The following POGZ variants were observed in gnomAD, a reference collection of about 807,000 sequenced individuals.
POGZ encodes pogo transposable element with ZNF domain.
In POGZ, 17 loss-of-function variants were observed where a neutral mutation model predicts 134.6. The ratio of observed to expected loss-of-function variants is 0.13; its 90% CI spans 0.09 to 0.19. POGZ has a LOEUF of 0.19. Ranked by LOEUF, POGZ falls within the 10% of genes least tolerant of loss-of-function variation. POGZ has a pLI of 1.00. For missense variants in POGZ, 1,306 were observed against 1,769.7 expected, an observed-to-expected ratio of 0.74 and a Z score of 4.70; for synonymous variants, 693 against 657.1, an observed-to-expected ratio of 1.05 and a Z score of -0.84.
chr1:151,455,523 C>G (rs1662658814), intron 1 of POGZ, among the ~76,000 whole-genome samples: 1 of 152,158 alleles, frequency 6.6e-6, no homozygotes. Flanking sequence ...ATTGAAGACG[C>G]CAAAGATCTT....
chr1:151,458,746 C>T (rs185381131), intron 1 of POGZ, among the ~76,000 whole-genome samples: 7,200 of 145,782 alleles, frequency 0.049, 243 homozygotes, highest in Non-Finnish European at 0.078. Flanking sequence ...CCCACTCCTC[C>T]GAGACGCCTC....
intron 3 of POGZ, among the ~76,000 whole-genome samples, chr1:151,439,984 CTA>C (rs1660259406): frequency 6.6e-6 from 1 of 151,900 alleles, no homozygotes; most frequent in Non-Finnish European, 1.5e-5. Context: ...TTATAGATGA[CTA>C]TTAAAATAAG....
chr1:151,403,555 C>T lies in POGZ; in HGVS notation c.*1247G>A. On this transcript the variant is annotated 3_prime_UTR_variant, in exon 19 of 19. Coordinates refer to ENST00000271715, the MANE Select transcript of POGZ (RefSeq NM_015100.4). ...TTTGGTTTACAACCATGAGTACATA[C>T]AATTAAAAAAATCCCTCATGCAAAT... 1.0e-6 allele frequency: 1 copy of T among 985,474 alleles called. No individual in the cohort carries two copies. Among genetic ancestry groups the T allele is most frequent in the Non-Finnish European group, 1.2e-6 (1 of 829,672 alleles). 61.0% of individuals were successfully genotyped at this position (985,474 alleles called of 1,614,324 possible).
chr1:151,456,046 T>C (rs1557961078), intron 1 of POGZ, among the ~76,000 whole-genome samples: 2 of 152,038 alleles, frequency 1.3e-5, no homozygotes, highest in Non-Finnish European at 1.5e-5. Flanking sequence ...CTAGGCCAAA[T>C]AGTAGTTTCT....
chr1:151,409,018 T>TTA (rs1329739692), intron 12 of POGZ, among the ~76,000 whole-genome samples, 190 bp from the exon 13 acceptor site: 1 of 152,160 alleles, frequency 6.6e-6, no homozygotes, highest in Non-Finnish European at 1.5e-5. Flanking sequence ...TCACCTCCCA[T>TTA]GATATCAAAG....
rs12759205 is a variant in POGZ, at chr1:151,433,567, C to T, written c.284-2726G>A. Among the ~76,000 whole-genome samples the T allele has an allele frequency of 5.2e-3, 745 of 143,414 alleles. 2 individuals carry two copies. The highest frequency in any genetic ancestry group is 8.4e-3 in the Non-Finnish European group (561 of 66,986). 94.1% of individuals were successfully genotyped at this position (143,414 alleles called of 152,430 possible). A position where few individuals can be genotyped will look rare whatever the true frequency, so the allele number is the denominator to read the frequency against. The stretch of plus-strand genomic sequence containing the variant: ...AGGTTGCATTGAGCCGAGATCGCGC[C>T]ACTGCACTCCAGTCTGAGCAATAAG... On this transcript the variant is annotated intron_variant, in intron 3 of 18. Coordinates refer to ENST00000271715, the MANE Select transcript of POGZ (RefSeq NM_015100.4).
At chr1:151,458,749 G>C (rs1243798761) in intron 1 of POGZ, among the ~76,000 whole-genome samples, 1 of 145,464 alleles carries the variant, frequency 6.9e-6, no homozygotes, top group Non-Finnish European at 1.5e-5. Context: ...ACTCCTCCGA[G>C]ACGCCTCGCG....
At position 151,442,106 on chromosome 1, in the gene POGZ, A is replaced by G. The variant is rs1256527004; in HGVS notation, c.99T>C (p.Tyr33=). Residue 33 remains tyrosine (Y), a synonymous_variant, in exon 2 of 19, where the codon TAT becomes TAC. Transcript: ENST00000271715. ...DVIEDSVVED[Y]NSVDKTTTVS... ...CTGTGGTAGTTTTATCCACTGAATT[A>G]TAATCTTCAACTACAGAGTCCTCAA... 6 of 1,605,548 alleles carry G rather than the reference A, an allele frequency of 3.7e-6. No individual in the cohort carries two copies.
chr1:151,423,314 A>C, intron 10 of POGZ, 83 bp downstream of exon 10: 1 of 1,175,210 alleles, frequency 8.5e-7, no homozygotes, highest in South Asian at 1.3e-5. Context: ...CATGTAAATA[A>C]ATATAATGGG....
At position 151,412,652 on chromosome 1, in the gene POGZ, C is replaced by T. The variant is rs141864329; in HGVS notation, c.1679-256G>A. 4.1e-4 allele frequency among the ~76,000 whole-genome samples: 63 copies of T among 152,208 alleles called. No individual in the cohort carries two copies. The East Asian group carries it at 8.9e-3, about 21-fold the overall frequency. ...AGACATTTTAAATTGGTTATTCTAT[C>T]GTCAACTCTAACCTAATTCAGCATC... On this transcript the variant is annotated intron_variant, in intron 10 of 18. Coordinates refer to ENST00000271715, the MANE Select transcript of POGZ (RefSeq NM_015100.4).
At chr1:151,435,135 G>A (rs1361750038) in intron 3 of POGZ, among the ~76,000 whole-genome samples, 1 of 152,094 alleles carries the variant, frequency 6.6e-6, no homozygotes, top group African/African-American at 2.4e-5. Flanking sequence ...TCTGACCTCA[G>A]GCGATCTGCC....
At chr1:151,444,007 A>G (rs1253028182) in intron 1 of POGZ, among the ~76,000 whole-genome samples, 4 of 152,218 alleles carry the variant, frequency 2.6e-5, no homozygotes, top group African/African-American at 9.6e-5. Context: ...ATACATCCTG[A>G]CAGTAGCAGT....
chr1:151,452,469 G>T (rs1248671484), intron 1 of POGZ, among the ~76,000 whole-genome samples: 3 of 151,838 alleles, frequency 2.0e-5, no homozygotes, highest in African/African-American at 7.2e-5. Context: ...TCCTGCCTCA[G>T]CCTCCCAAGT....
rs78294943 is a variant in POGZ at position 151,439,477 on chromosome 1, A to C, written c.283+1451T>G. On this transcript the variant is annotated intron_variant, in intron 3 of 18. Coordinates refer to ENST00000271715, the MANE Select transcript of POGZ (RefSeq NM_015100.4). ...CTACTGGCGGGCACTTATTTAGAGC[A>C]ACCTATTAGGACAACTTGACAACGT... 3.9e-5 allele frequency among the ~76,000 whole-genome samples: 6 copies of C among 152,338 alleles called. No homozygotes were observed. In the East Asian group the frequency reaches 1.2e-3, roughly 29 times the overall value.
Position 151,408,805 on chromosome 1 carries a change from G to C in POGZ, c.1950C>G (p.Asn650Lys). Residue 650 changes from asparagine to lysine, a missense_variant, in exon 13 of 19, where the codon AAC becomes AAG. This residue lies in a region of POGZ where 149 missense variants were observed against 237.5 expected (regional missense o/e 0.63). Coordinates refer to ENST00000271715, the MANE Select transcript of POGZ (RefSeq NM_015100.4). ...CAAAGAGAAACTGCAGCCGGCATTT[G>C]TTGCAGTGATAAACATTTCTCTTCT... ...RHQKRNVYHCNKCRLQFLFAK... is the reference protein window; with the variant it reads ...RHQKRNVYHCKKCRLQFLFAK... The C allele has an allele frequency of 1.2e-6, 2 of 1,613,688 alleles. No individual in the cohort carries two copies. The highest frequency in any genetic ancestry group is 1.7e-6 in the Non-Finnish European group (2 of 1,179,892).
rs1218050731 is a variant in POGZ at position 151,428,400 on chromosome 1, C to T, written c.582G>A (p.Gln194=). 12 of 1,613,660 alleles carry T rather than the reference C, an allele frequency of 7.4e-6. No individual in the cohort carries two copies. Among genetic ancestry groups the T allele is most frequent in the African/African-American group, 2.7e-5 (2 of 75,040 alleles). Residue 194 remains glutamine, a synonymous_variant, in exon 6 of 19, where the codon CAG becomes CAA. Transcript: ENST00000271715. ...GAACTCCAACTGTCGGCTTAACAAA[C>T]TGGGTACCTGGGGCTTTAAAAGAGA... is the stretch of plus-strand genomic sequence containing the variant. ...PITLVPAPGT[Q]FVKPTVGVPQ...
At chr1:151,422,953 T>C (rs576878318) in intron 10 of POGZ, among the ~76,000 whole-genome samples, 5 of 152,356 alleles carry the variant, frequency 3.3e-5, no homozygotes, top group African/African-American at 1.2e-4. Flanking sequence ...GTATAAAATA[T>C]ACAGTGTAGA....
In POGZ at chr1:151,403,328, G is replaced by A; in HGVS notation, c.*1474C>T. Reference sequence around the variant, plus strand: ...AGTCTGTGAAAGCCTATTAAACAGGGTCACCTAGAAAAAAAACAAGTTTAT... The same window carrying A: ...AGTCTGTGAAAGCCTATTAAACAGGATCACCTAGAAAAAAAACAAGTTTAT... On this transcript the variant is annotated 3_prime_UTR_variant, in exon 19 of 19. Transcript: ENST00000271715. 5 of 985,370 alleles carry A rather than the reference G, an allele frequency of 5.1e-6. No individual in the cohort carries two copies. Among genetic ancestry groups the A allele is most frequent in the Non-Finnish European group, 6.0e-6 (5 of 829,724 alleles). The allele number at this position is 985,370 out of a possible 1,614,324, so 61.0% of individuals were successfully genotyped here.
rs770959015 is a variant in POGZ, at chr1:151,438,882, G to GA, written c.283+2045dup. 880 of 140,912 alleles carry GA rather than the reference G, an allele frequency of 6.2e-3. 15 individuals carry two copies. The highest frequency in any genetic ancestry group is 0.02 in the African/African-American group (767 of 38,696). The allele number at this position is 140,912 out of a possible 1,614,324, so 8.7% of individuals were successfully genotyped here. A position where few individuals can be genotyped will look rare whatever the true frequency, so the allele number is the denominator to read the frequency against. ...ACAAAGTGAGATCCCGTCTCAGGGA[G>GA]AAAAAAAAAAAAGAAGATGCACAGC... On this transcript the variant is annotated intron_variant, in intron 3 of 18. Transcript: ENST00000271715.
Sources: gnomAD v4.1 joint callset for allele counts (sites outside exome capture counted in the v4.1 genomes callset) on GRCh38, gnomAD v4.1.1 for gene constraint, gnomAD v4.1.1 regional missense constraint, MANE v1.5 for transcripts, NCBI Gene and HGNC (gene_info 2026-07-23, HGNC 2026-07-21) for gene names.